The following SIPA1L1 variants were observed in gnomAD, a reference collection of about 807,000 sequenced individuals.
SIPA1L1 encodes signal-induced proliferation-associated 1-like protein 1.
SIPA1L1 carries 26 observed loss-of-function variants against 162.7 expected under a neutral mutation model. That is an observed-to-expected ratio of 0.16 (90% CI 0.12 to 0.22). The LOEUF (loss-of-function observed/expected upper bound fraction) is 0.22. SIPA1L1 is among the 10% of genes least tolerant of loss of function. The pLI is 1.00. For synonymous variants in SIPA1L1, 829 were observed against 837.4 expected (o/e 0.99, Z 0.17); for missense variants, 1,874 against 2,241.0 (o/e 0.84, Z 3.31).
chr14:71,446,482 G>T (rs981714292), intron 2 of SIPA1L1, among the ~76,000 whole-genome samples: 1 of 152,104 alleles, frequency 6.6e-6, no homozygotes, highest in Non-Finnish European at 1.5e-5. Flanking sequence ...CAGGAGGATC[G>T]CTTGAGCCCA....
At position 71,606,195 on chromosome 14, in the gene SIPA1L1, C is replaced by T. The variant is rs142539480; in HGVS notation, c.1499-12562C>T. ...TTCAGTAGCAGCAGCCACATGCAGA[C>T]GGGTGGAAAACATGCCCTTCCCTTG... On this transcript the variant is annotated intron_variant, in intron 5 of 23. Transcript: ENST00000381232. Among the ~76,000 whole-genome samples, 11 of 152,178 alleles carry T rather than the reference C, an allele frequency of 7.2e-5. No homozygotes were observed. The East Asian group carries it at 1.5e-3, about 21-fold the overall frequency.
chr14:71,515,653 C>A (rs1477060463), intron 3 of SIPA1L1, among the ~76,000 whole-genome samples: 2 of 151,432 alleles, frequency 1.3e-5, no homozygotes, highest in Non-Finnish European at 2.9e-5. Flanking sequence ...TATAATATTT[C>A]TTTTTTTTTG....
Position 71,637,082 on chromosome 14 carries a change from G to A in SIPA1L1, c.1818+12846G>A, listed in dbSNP as rs2148847793. On this transcript the variant is annotated intron_variant, in intron 7 of 23. Coordinates refer to ENST00000381232, the MANE Select transcript of SIPA1L1 (RefSeq NM_001386936.1). Reference sequence around the variant, plus strand: ...AAAAAAAAAAACAGCTACATCTTTGGGGTTTAAAAAAAAATTTTTTTTTTT... The same window carrying A: ...AAAAAAAAAAACAGCTACATCTTTGAGGTTTAAAAAAAAATTTTTTTTTTT... Among the ~76,000 whole-genome samples, 2 of 136,216 alleles carry A rather than the reference G, an allele frequency of 1.5e-5. 1 individual carries two copies. The highest frequency in any genetic ancestry group is 4.9e-4 in the South Asian group (2 of 4,046). The allele number at this position is 136,216 out of a possible 152,430, so 89.4% of individuals were successfully genotyped here.
chr14:71,697,663 G>C (rs2081750416), intron 13 of SIPA1L1, among the ~76,000 whole-genome samples: 1 of 152,216 alleles, frequency 6.6e-6, no homozygotes, highest in East Asian at 1.9e-4. Context: ...TCTCAAGTCA[G>C]ATCTGCCTCT....
chr14:71,692,352 C>T (rs964944351), intron 13 of SIPA1L1, among the ~76,000 whole-genome samples: 1 of 152,160 alleles, frequency 6.6e-6, no homozygotes, highest in Non-Finnish European at 1.5e-5. Flanking sequence ...AAAATTGACT[C>T]AAAGTGAAAT....
At chr14:71,710,364 T>C (rs1316857816) in intron 17 of SIPA1L1, among the ~76,000 whole-genome samples, 1 of 152,218 alleles carries the variant, frequency 6.6e-6, no homozygotes, top group Non-Finnish European at 1.5e-5. Flanking sequence ...AAGATCCACA[T>C]AGGGAAGAAG....
chr14:71,613,760 A>G (rs2038495386), intron 5 of SIPA1L1, among the ~76,000 whole-genome samples: 1 of 152,236 alleles, frequency 6.6e-6, no homozygotes, highest in South Asian at 2.1e-4. Context: ...GTAATTATGG[A>G]TATCTTCACT....
At chr14:71,727,554 C>T (rs149350647) in intron 19 of SIPA1L1, among the ~76,000 whole-genome samples, 129 of 152,170 alleles carry the variant, frequency 8.5e-4, no homozygotes, top group African/African-American at 2.8e-3. Context: ...TGAACCTCTC[C>T]GTAGCAGTGG....
chr14:71,722,956 G>A (rs771874446), intron 17 of SIPA1L1, among the ~76,000 whole-genome samples: 8 of 152,220 alleles, frequency 5.3e-5, no homozygotes, highest in Admixed American at 2.6e-4. Flanking sequence ...GGCTGGTTTC[G>A]AACTCATGAC....
intron 2 of SIPA1L1, among the ~76,000 whole-genome samples, chr14:71,371,320 A>G (rs1320685087): frequency 6.6e-6 from 1 of 152,192 alleles, no homozygotes; most frequent in Non-Finnish European, 1.5e-5. Context: ...TTTATTCATG[A>G]AAGATGAAAG....
intron 4 of SIPA1L1, among the ~76,000 whole-genome samples, chr14:71,561,385 CTT>C (rs1221564530): frequency 3.3e-5 from 5 of 152,018 alleles, no homozygotes; most frequent in African/African-American, 1.2e-4. Context: ...ATTTTAATGT[CTT>C]TTGAAACATT....
chr14:71,445,762 A>G (rs2045299441), intron 2 of SIPA1L1, among the ~76,000 whole-genome samples: 1 of 152,210 alleles, frequency 6.6e-6, no homozygotes, highest in African/African-American at 2.4e-5. Context: ...CAGTTATTGT[A>G]GTTGTACCAA....
intron 2 of SIPA1L1, among the ~76,000 whole-genome samples, chr14:71,483,916 G>T (rs1433731788): frequency 6.6e-6 from 1 of 152,166 alleles, no homozygotes; most frequent in Non-Finnish European, 1.5e-5. Context: ...GACATCGCTA[G>T]GTTGGGCTGC....
At chr14:71,367,109 T>C (rs762335466) in intron 2 of SIPA1L1, among the ~76,000 whole-genome samples, 23 of 152,172 alleles carry the variant, frequency 1.5e-4, no homozygotes, top group Non-Finnish European at 2.1e-4. Flanking sequence ...TTAACATAAA[T>C]AGTAATACTT....
At chr14:71,677,325 A>AT (rs1212488244) in intron 12 of SIPA1L1, among the ~76,000 whole-genome samples, 3 of 151,860 alleles carry the variant, frequency 2.0e-5, no homozygotes, top group East Asian at 3.9e-4. Flanking sequence ...GGGTTGTTTG[A>AT]TTTTTTCTTG....
chr14:71,595,846 C>T (rs988084895), intron 5 of SIPA1L1, among the ~76,000 whole-genome samples: 6 of 152,140 alleles, frequency 3.9e-5, no homozygotes, highest in African/African-American at 9.7e-5. Context: ...TCTAGTCTAC[C>T]TTCAAATTGC....
At chr14:71,460,942 T>C (rs182932115) in intron 2 of SIPA1L1, among the ~76,000 whole-genome samples, 4 of 152,338 alleles carry the variant, frequency 2.6e-5, no homozygotes, top group African/African-American at 7.2e-5. Flanking sequence ...TGCTTCAGGA[T>C]TGGGAACATG....
At chr14:71,405,943 T>C (rs994895796) in intron 2 of SIPA1L1, among the ~76,000 whole-genome samples, 1 of 152,222 alleles carries the variant, frequency 6.6e-6, no homozygotes, top group African/African-American at 2.4e-5. Context: ...AGATGTAGTT[T>C]ACTAACCTTT....
At chr14:71,592,481 G>A (rs1248400541) in intron 5 of SIPA1L1, among the ~76,000 whole-genome samples, 1 of 152,158 alleles carries the variant, frequency 6.6e-6, no homozygotes, top group Non-Finnish European at 1.5e-5. Context: ...AAGTCTTCTT[G>A]TTGAAGGAGT....
Sources: allele counts gnomAD v4.1 joint callset (sites outside exome capture counted in the v4.1 genomes callset), GRCh38; gene constraint gnomAD v4.1.1; transcripts MANE v1.5; gene names NCBI Gene and HGNC (gene_info 2026-07-23, HGNC 2026-07-21).